SPEF2: variants seen among roughly 807,000 people sequenced by gnomAD.
SPEF2 encodes sperm flagellar and cilia associated 2.
A neutral mutation model predicts 224.6 loss-of-function variants in SPEF2; 187 were observed. That is an observed-to-expected ratio of 0.83 (90% CI 0.74 to 0.94). SPEF2 has a LOEUF of 0.94. Among genes scored for constraint, SPEF2 ranks in the 40% least tolerant of loss-of-function variants. The pLI is 0.00. For synonymous variants in SPEF2, 715 were observed against 707.3 expected (o/e 1.01, Z -0.17); for missense variants, 2,170 against 2,135.6 (o/e 1.02, Z -0.32).
chr5:35,748,031 A>T (rs1748830130), intron 23 of SPEF2, among the ~76,000 whole-genome samples: 1 of 152,178 alleles, frequency 6.6e-6, no homozygotes, highest in Admixed American at 6.5e-5. Context: ...CTCCAAAAGG[A>T]ATCTTCAAAA....
intron 25 of SPEF2, among the ~76,000 whole-genome samples, chr5:35,762,310 G>A (rs565949597): frequency 2.0e-4 from 31 of 152,216 alleles, no homozygotes; most frequent in African/African-American, 7.2e-4. Flanking sequence ...GTCCTCCAAA[G>A]CAAGACGTTG....
intron 23 of SPEF2, among the ~76,000 whole-genome samples, chr5:35,742,809 T>C (rs1747878363): frequency 6.6e-6 from 1 of 151,948 alleles, no homozygotes; most frequent in Non-Finnish European, 1.5e-5. Context: ...AGTTTGATGT[T>C]TGAGATGAGT....
intron 30 of SPEF2, chr5:35,790,743 A>G (rs778157458): frequency 2.1e-4 from 33 of 159,368 alleles, no homozygotes; most frequent in African/African-American, 6.2e-4. Flanking sequence ...TTTTTCCTCA[A>G]TAATTCTAAG....
intron 21 of SPEF2, among the ~76,000 whole-genome samples, chr5:35,728,934 G>A (rs2149659997): frequency 6.6e-6 from 1 of 152,068 alleles, no homozygotes; most frequent in Admixed American, 6.5e-5. Context: ...GTGGGTGTTA[G>A]GAATAAGATA....
chr5:35,799,365 C>T (rs370933330), intron 33 of SPEF2, among the ~76,000 whole-genome samples: 3 of 152,164 alleles, frequency 2.0e-5, no homozygotes, highest in African/African-American at 7.2e-5. Flanking sequence ...GCACAAGACC[C>T]TGTGTCAATG....
intron 7 of SPEF2, 123 bp downstream of exon 7, chr5:35,654,849 A>T (rs1748742907): frequency 1.3e-6 from 1 of 778,900 alleles, no homozygotes; most frequent in Non-Finnish European, 1.9e-6. Flanking sequence ...TGTCACTTTC[A>T]CATCCTCATC....
chr5:35,663,019 T>C (rs929088933), intron 8 of SPEF2, among the ~76,000 whole-genome samples: 1 of 152,196 alleles, frequency 6.6e-6, no homozygotes, highest in Admixed American at 6.5e-5. Flanking sequence ...ATTACTTATT[T>C]TAATAGTATT....
chr5:35,649,566 G>A, intron 6 of SPEF2, 141 bp downstream of exon 6: 1 of 568,748 alleles, frequency 1.8e-6, no homozygotes, highest in Non-Finnish European at 2.9e-6. Context: ...GAGTAATTAG[G>A]GAAGATAAAT....
intron 23 of SPEF2, among the ~76,000 whole-genome samples, chr5:35,745,648 C>G (rs930322675): frequency 1.3e-5 from 2 of 152,184 alleles, no homozygotes; most frequent in African/African-American, 4.8e-5. Flanking sequence ...ACCCCCAACC[C>G]CGACAGCAGC....
intron 23 of SPEF2, among the ~76,000 whole-genome samples, chr5:35,752,243 G>A (rs1399222045): frequency 6.6e-6 from 1 of 152,102 alleles, no homozygotes; most frequent in African/African-American, 2.4e-5. Context: ...GACCCCTGAT[G>A]TAATGCACTT....
chr5:35,802,986 T>C lies in SPEF2; in HGVS notation c.5010+2839T>C, dbSNP rs890427960. Among the ~76,000 whole-genome samples, 4 of 152,222 alleles carry C rather than the reference T, an allele frequency of 2.6e-5. No individual in the cohort carries two copies. In the East Asian group the frequency reaches 7.7e-4, roughly 29 times the overall value. ...AGGCCTTCAGGCAGGGGACCACTTA[T>C]CTATTTCTACTGCTAAATGGTTCCT... On this transcript the variant is annotated intron_variant, in intron 34 of 36. Coordinates refer to ENST00000356031, the MANE Select transcript of SPEF2 (RefSeq NM_024867.4).
intron 34 of SPEF2, among the ~76,000 whole-genome samples, chr5:35,801,847 G>C (rs529485923): frequency 6.6e-6 from 1 of 152,204 alleles, no homozygotes; most frequent in Non-Finnish European, 1.5e-5. Context: ...GGAGTTTGGT[G>C]GGGAGGAGGC....
chr5:35,807,220 C>A lies in SPEF2; in HGVS notation c.5346C>A (p.Asp1782Glu), dbSNP rs540396743. The A allele has an allele frequency of 6.6e-5, 107 of 1,613,484 alleles. No individual in the cohort carries two copies. In the South Asian group the frequency reaches 1.1e-3, roughly 17 times the overall value. The change falls in exon 36 of 37, where the codon GAC (aspartate) becomes GAA (glutamate). Residue 1782 changes from aspartate to glutamate, a missense_variant. Physicochemically the swap from Asp to Glu is conservative, Grantham distance 45 (BLOSUM62 2). Transcript: ENST00000356031. ...TCTTGAAGCATCCTTTTATTCAAGA[C>A]CTGATTTCAAATTATTCAGACTATA... ...AVLLKHPFIQ[D>E]LISNYSDYKF...
At chr5:35,714,680 T>TTTTATTTATTTATTTATTTA (rs70973053) in intron 20 of SPEF2, among the ~76,000 whole-genome samples, 2 of 134,562 alleles carry the variant, frequency 1.5e-5, no homozygotes, top group African/African-American at 2.8e-5. Flanking sequence ...TTGGGTTTAT[T>TTTTATTTATTTATTTATTTA]TTTATTTATT....
rs761828306 is a variant in SPEF2 at position 35,618,078 on chromosome 5, G to A, written c.58+23G>A. On this transcript the variant is annotated intron_variant, in intron 1 of 36. Coordinates refer to ENST00000356031, the MANE Select transcript of SPEF2 (RefSeq NM_024867.4). Reference sequence around the variant, plus strand: ...TGAGTGAGTGACCACGGCCAGGGGCGAGCGTCTGAGGGGCTAGCGGGGCGC... The same window carrying A: ...TGAGTGAGTGACCACGGCCAGGGGCAAGCGTCTGAGGGGCTAGCGGGGCGC... The A allele has an allele frequency of 2.5e-6, 4 of 1,572,176 alleles. No homozygotes were observed. The Admixed American group carries it at 5.4e-5, about 21-fold the overall frequency.
chr5:35,618,438 C>T (rs1508652), intron 1 of SPEF2, among the ~76,000 whole-genome samples: 21,825 of 152,058 alleles, frequency 0.14, 2,194 homozygotes, highest in East Asian at 0.45. Flanking sequence ...AGTCTGACCC[C>T]AACGATGCCT....
chr5:35,683,433 T>G (rs1466717656), intron 10 of SPEF2, among the ~76,000 whole-genome samples: 1 of 152,212 alleles, frequency 6.6e-6, no homozygotes, highest in African/African-American at 2.4e-5. Flanking sequence ...GAGACCAGCC[T>G]GACCAACATG....
chr5:35,737,861 C>T (rs891899846), intron 21 of SPEF2, among the ~76,000 whole-genome samples: 7 of 152,158 alleles, frequency 4.6e-5, no homozygotes, highest in Admixed American at 2.6e-4. Flanking sequence ...TTCTCCACAT[C>T]CTCTCCAGCA....
chr5:35,701,417 T>C (rs560475361), intron 16 of SPEF2, among the ~76,000 whole-genome samples: 1 of 152,312 alleles, frequency 6.6e-6, no homozygotes, highest in Admixed American at 6.5e-5. Flanking sequence ...TGTATTGTTA[T>C]GGGTATTAAA....
Sources: allele counts gnomAD v4.1 joint callset (sites outside exome capture counted in the v4.1 genomes callset), GRCh38; gene constraint gnomAD v4.1.1; transcripts MANE v1.5; gene names NCBI Gene and HGNC (gene_info 2026-07-23, HGNC 2026-07-21).